Variants in ANO2 observed in about 807,000 individuals in gnomAD.
ANO2 encodes the protein anoctamin-2.
A neutral mutation model predicts 124.2 loss-of-function variants in ANO2; 101 were observed. The observed-to-expected ratio is 0.81, with a 90% CI of 0.69 to 0.96. The LOEUF is 0.96. ANO2 is among the 40% of genes least tolerant of loss of function. The pLI, the probability that ANO2 is intolerant of heterozygous loss-of-function variation, is 0.00. For synonymous variants in ANO2, 486 were observed against 482.5 expected, an observed-to-expected ratio of 1.01 and a Z score of -0.09; for missense variants, 1,293 against 1,274.5, an observed-to-expected ratio of 1.01 and a Z score of -0.22.
intron 14 of ANO2, among the ~76,000 whole-genome samples, chr12:5,651,355 C>A (rs1946906228): frequency 6.6e-6 from 1 of 152,120 alleles, no homozygotes; most frequent in South Asian, 2.1e-4. Flanking sequence ...TTAAACAAAT[C>A]CCTTGAAGAA....
intron 7 of ANO2, among the ~76,000 whole-genome samples, chr12:5,809,489 T>C (rs896559202): frequency 1.3e-5 from 2 of 152,116 alleles, no homozygotes; most frequent in Non-Finnish European, 2.9e-5. Context: ...GTCCCAAAAC[T>C]CTGTGGAAAA....
intron 10 of ANO2, among the ~76,000 whole-genome samples, chr12:5,796,136 C>G (rs893914869): frequency 6.6e-6 from 1 of 151,928 alleles, no homozygotes; most frequent in South Asian, 2.1e-4. Flanking sequence ...CACACACACA[C>G]TCACACACAC....
At chr12:5,779,983 G>A (rs138319965) in intron 10 of ANO2, among the ~76,000 whole-genome samples, 59 of 152,236 alleles carry the variant, frequency 3.9e-4, no homozygotes, top group African/African-American at 1.3e-3. Context: ...AAATAATTGG[G>A]ACAACTGATT....
intron 14 of ANO2, among the ~76,000 whole-genome samples, chr12:5,716,777 C>A (rs1056839214): frequency 1.3e-5 from 2 of 152,088 alleles, no homozygotes; most frequent in African/African-American, 4.8e-5. Context: ...TCCAACAGGC[C>A]CAGAGGTGGA....
At chr12:5,836,019 G>C (rs1762546871) in intron 4 of ANO2, among the ~76,000 whole-genome samples, 2 of 152,222 alleles carry the variant, frequency 1.3e-5, no homozygotes, top group Admixed American at 6.5e-5. Flanking sequence ...TTCAGAGTGG[G>C]AGGGAAGCTG....
chr12:5,887,156 T>G (rs764903598), intron 3 of ANO2, among the ~76,000 whole-genome samples: 14 of 152,156 alleles, frequency 9.2e-5, no homozygotes, highest in Non-Finnish European at 1.5e-5. Context: ...TTGAAAGTGA[T>G]CATAATTAAA....
chr12:5,851,073 G>A (rs767144251), intron 4 of ANO2, among the ~76,000 whole-genome samples: 4 of 152,074 alleles, frequency 2.6e-5, no homozygotes, highest in Non-Finnish European at 5.9e-5. Flanking sequence ...CTGAGGACTC[G>A]ACTAGTGCTG....
intron 7 of ANO2, among the ~76,000 whole-genome samples, chr12:5,823,488 A>G (rs1412871657): frequency 6.6e-6 from 1 of 152,260 alleles, no homozygotes; most frequent in Admixed American, 6.5e-5. Flanking sequence ...TTAAAGCTCC[A>G]AAATGATCTC....
intron 14 of ANO2, among the ~76,000 whole-genome samples, chr12:5,678,413 G>C (rs1330245180): frequency 6.6e-6 from 1 of 152,200 alleles, no homozygotes; most frequent in African/African-American, 2.4e-5. Context: ...GCGCCAACTG[G>C]GTGGCAGGGG....
In ANO2 at chr12:5,945,226, C is replaced by G. The variant is rs934633376; in HGVS notation, c.-9G>C. 7.8e-7 allele frequency: 1 copy of G among 1,287,400 alleles called. No individual in the cohort carries two copies. The highest frequency in any genetic ancestry group is 1.5e-5 in the African/African-American group (1 of 65,776). 79.7% of individuals were successfully genotyped at this position (1,287,400 alleles called of 1,614,324 possible). On this transcript the variant is annotated 5_prime_UTR_variant, in exon 1 of 25. Coordinates refer to ENST00000682330, the MANE Select transcript of ANO2 (RefSeq NM_001364791.2). ...GGCCCGGGAGTCGCCATGATGTGGA[C>G]GCAGACCCCGCCGGCCCGCGGCCGC... is the stretch of plus-strand genomic sequence containing the variant.
chr12:5,809,979 T>C (rs1444310973), intron 7 of ANO2, among the ~76,000 whole-genome samples: 5 of 152,240 alleles, frequency 3.3e-5, no homozygotes. Flanking sequence ...ACACTCCAGC[T>C]GATTGTTCTG....
rs1284631943 is a variant in ANO2, at chr12:5,732,702, C to T, written c.1435-72G>A. ...CCTTGGCCTTAGGGTTATAACCAGACACATGTACATTAACGTCAGCGTTTA... is the reference window on the plus strand; with the variant it reads ...CCTTGGCCTTAGGGTTATAACCAGATACATGTACATTAACGTCAGCGTTTA... On this transcript the variant is annotated intron_variant, in intron 13 of 24. Coordinates refer to ENST00000682330, the MANE Select transcript of ANO2 (RefSeq NM_001364791.2). 8 of 1,536,282 alleles carry T rather than the reference C, an allele frequency of 5.2e-6. No individual in the cohort carries two copies. In the Admixed American group the frequency reaches 1.4e-4, roughly 27 times the overall value.
intron 10 of ANO2, among the ~76,000 whole-genome samples, chr12:5,762,127 C>T (rs149944267): frequency 3.3e-5 from 5 of 152,048 alleles, no homozygotes; most frequent in South Asian, 2.1e-4. Context: ...CAAATCTCTT[C>T]GGTAACTACA....
chr12:5,922,610 C>CCCGACA lies in ANO2; in HGVS notation c.207+9_207+10insTGTCGG. ...CCTATCCCCCCACCCCACCCCCGCC[C>CCCGACA]AGTACTCACAGAGCTGCTGCGGGTG... is the stretch of plus-strand genomic sequence containing the variant. On this transcript the variant is annotated intron_variant, in intron 2 of 24. Transcript: ENST00000682330. 1 of 1,525,462 alleles carries CCCGACA rather than the reference C, an allele frequency of 6.6e-7. No individual in the cohort carries two copies. Among genetic ancestry groups the CCCGACA allele is most frequent in the Non-Finnish European group, 8.8e-7 (1 of 1,136,202 alleles). 94.5% of individuals were successfully genotyped at this position (1,525,462 alleles called of 1,614,324 possible).
chr12:5,580,217 A>G (rs1942666354), intron 20 of ANO2, among the ~76,000 whole-genome samples: 1 of 152,222 alleles, frequency 6.6e-6, no homozygotes. Context: ...GGGTTCCCAG[A>G]AGGGTAAATG....
At position 5,933,755 on chromosome 12, in the gene ANO2, C is replaced by G. The variant is rs985303882; in HGVS notation, c.23-10951G>C. Among the ~76,000 whole-genome samples, 4 of 152,118 alleles carry G rather than the reference C, an allele frequency of 2.6e-5. No homozygotes were observed. In the South Asian group the frequency reaches 8.3e-4, roughly 32 times the overall value. Reference sequence around the variant, plus strand: ...CATTCCTCTTTAGTCAAACCTGTCCCCAGACTGATGCTCACTCTGTGCCTC... The same window carrying G: ...CATTCCTCTTTAGTCAAACCTGTCCGCAGACTGATGCTCACTCTGTGCCTC... On this transcript the variant is annotated intron_variant, in intron 1 of 24. Transcript: ENST00000682330.
At chr12:5,851,413 T>C (rs972099210) in intron 4 of ANO2, among the ~76,000 whole-genome samples, 26 of 152,062 alleles carry the variant, frequency 1.7e-4, no homozygotes, top group Admixed American at 4.6e-4. Context: ...TCTGGCTGGG[T>C]GTGGTGGCTC....
chr12:5,610,843 C>CACACAG lies in ANO2; in HGVS notation c.2087+1812_2087+1813insCTGTGT, dbSNP rs1274809555. Among the ~76,000 whole-genome samples, 17 of 145,222 alleles carry CACACAG rather than the reference C, an allele frequency of 1.2e-4. No homozygotes were observed. In the East Asian group the frequency reaches 3.5e-3, roughly 30 times the overall value. ...ATACACACACACACACACACACACA[C>CACACAG]ACACACACACACACACAACCCTAAG... On this transcript the variant is annotated intron_variant, in intron 19 of 24. Coordinates refer to ENST00000682330, the MANE Select transcript of ANO2 (RefSeq NM_001364791.2).
At chr12:5,619,300 T>A (rs777148323) in intron 16 of ANO2, among the ~76,000 whole-genome samples, 1 of 152,344 alleles carries the variant, frequency 6.6e-6, no homozygotes, top group Admixed American at 6.5e-5. Context: ...ATACCGTATT[T>A]GGTAAAAATG....
Sources: gnomAD v4.1 joint callset for allele counts (sites outside exome capture counted in the v4.1 genomes callset) on GRCh38, gnomAD v4.1.1 for gene constraint, MANE v1.5 for transcripts, NCBI Gene and HGNC (gene_info 2026-07-23, HGNC 2026-07-21) for gene names.